Variants in IL1RAPL2 observed in about 807,000 individuals in gnomAD.
IL1RAPL2 encodes interleukin 1 receptor accessory protein like 2.
Under a neutral mutation model 44.1 loss-of-function variants are expected in IL1RAPL2, and 3 were observed. The ratio of observed to expected loss-of-function variants is 0.07; its 90% CI spans 0.03 to 0.18. IL1RAPL2 has a LOEUF of 0.18. Among genes scored for constraint, IL1RAPL2 ranks in the 10% least tolerant of loss-of-function variants. IL1RAPL2 has a pLI of 1.00. For synonymous variants in IL1RAPL2, 181 were observed against 178.8 expected, an observed-to-expected ratio of 1.01 and a Z score of -0.10; for missense variants, 391 against 496.4, an observed-to-expected ratio of 0.79 and a Z score of 2.02.
At chrX:105,338,564 A>G (rs2035046119) in intron 5 of IL1RAPL2, among the ~76,000 whole-genome samples, 1 of 111,798 alleles carries the variant, frequency 8.9e-6, no homozygotes, top group South Asian at 3.7e-4. Context: ...GTTATTTTTG[A>G]AAGTCCTTGC....
At chrX:104,767,274 A>G (rs1419572068) in intron 2 of IL1RAPL2, among the ~76,000 whole-genome samples, 1 of 111,786 alleles carries the variant, frequency 8.9e-6, no homozygotes, top group Non-Finnish European at 1.9e-5. Context: ...AAGTTGATTC[A>G]TGTTCTCATT....
intron 2 of IL1RAPL2, among the ~76,000 whole-genome samples, chrX:105,143,285 G>T (rs1431390880): frequency 9.0e-6 from 1 of 111,409 alleles, no homozygotes; most frequent in South Asian, 3.8e-4. Context: ...GTGGGCAAAG[G>T]ATATGAACAG....
At chrX:105,103,764 T>C (rs1569383005) in intron 2 of IL1RAPL2, among the ~76,000 whole-genome samples, 1 of 111,441 alleles carries the variant, frequency 9.0e-6, no homozygotes, top group Non-Finnish European at 1.9e-5. Flanking sequence ...GGTATGATAT[T>C]TGACAGGGAT....
At chrX:104,684,575 C>T (rs983579935) in intron 2 of IL1RAPL2, among the ~76,000 whole-genome samples, 6 of 112,175 alleles carry the variant, frequency 5.3e-5, no homozygotes, top group African/African-American at 1.9e-4. Context: ...TTGTGCCTTG[C>T]CCTGATCTTT....
intron 2 of IL1RAPL2, among the ~76,000 whole-genome samples, chrX:104,944,904 C>T (rs1296222773): frequency 2.7e-5 from 3 of 111,627 alleles, no homozygotes; most frequent in African/African-American, 9.8e-5. Context: ...AACTTTGTGG[C>T]TTTAGGGAAG....
At chrX:104,838,847 C>CTTTCT (rs1383811438) in intron 2 of IL1RAPL2, among the ~76,000 whole-genome samples, 57 of 36,288 alleles carry the variant, frequency 1.6e-3, no homozygotes, top group Non-Finnish European at 2.0e-3. Context: ...TTCTTTCTTT[C>CTTTCT]TTTTTTTTTT....
chrX:104,941,563 A>G (rs1925176031), intron 2 of IL1RAPL2, among the ~76,000 whole-genome samples: 1 of 110,869 alleles, frequency 9.0e-6, no homozygotes, highest in African/African-American at 3.3e-5. Context: ...TTTTTCTTGT[A>G]AATTTGTTTA....
At chrX:105,191,253 A>G (rs2033630618) in intron 2 of IL1RAPL2, among the ~76,000 whole-genome samples, 1 of 112,609 alleles carries the variant, frequency 8.9e-6, no homozygotes, top group Non-Finnish European at 1.9e-5. Flanking sequence ...TCTCACTGTG[A>G]TGCCCAGGCT....
At chrX:104,686,411 T>C (rs1272289541) in intron 2 of IL1RAPL2, among the ~76,000 whole-genome samples, 2 of 112,147 alleles carry the variant, frequency 1.8e-5, no homozygotes, top group Non-Finnish European at 3.8e-5. Context: ...GAGAAGATAC[T>C]TTTTGTTTTG....
Position 105,740,742 on chromosome X carries a change from T to C in IL1RAPL2, c.1048+51T>C, listed in dbSNP as rs375732224. 420 of 1,083,703 alleles carry C rather than the reference T, an allele frequency of 3.9e-4. 5 individuals are homozygous for C. In the African/African-American group the frequency reaches 7.0e-3, roughly 18 times the overall value. 89.3% of individuals were successfully genotyped at this position (1,083,703 alleles called of 1,213,427 possible). A position where few individuals can be genotyped will look rare whatever the true frequency, so the allele number is the denominator to read the frequency against. On this transcript the variant is annotated intron_variant, in intron 8 of 10. Transcript: ENST00000372582. ...TGGTTTGCTTAGCTATCAACAACTA[T>C]TGAAGTTAGAGATATTTCCTGGCTT... is the stretch of plus-strand genomic sequence containing the variant.
chrX:105,071,698 A>G (rs1224250824), intron 2 of IL1RAPL2, among the ~76,000 whole-genome samples: 1 of 111,839 alleles, frequency 8.9e-6, no homozygotes, highest in Non-Finnish European at 1.9e-5. Flanking sequence ...CAGATTAGAG[A>G]GCCAAAAAAT....
chrX:105,264,112 G>A (rs1354718741), intron 4 of IL1RAPL2, among the ~76,000 whole-genome samples: 1 of 110,963 alleles, frequency 9.0e-6, no homozygotes, highest in Non-Finnish European at 1.9e-5. Flanking sequence ...ATGTGTCATG[G>A]GAGGGACCAG....
intron 6 of IL1RAPL2, among the ~76,000 whole-genome samples, chrX:105,568,847 G>A (rs1404342431): frequency 3.6e-5 from 4 of 111,805 alleles, no homozygotes; most frequent in South Asian, 3.7e-4. Context: ...TTAGCTGAAT[G>A]TAAGAGTAGT....
chrX:104,907,567 C>T (rs1348919921), intron 2 of IL1RAPL2, among the ~76,000 whole-genome samples: 2 of 111,681 alleles, frequency 1.8e-5, no homozygotes, highest in Admixed American at 1.9e-4. Flanking sequence ...TGTACCCAGT[C>T]GTCATTCAGG....
intron 2 of IL1RAPL2, among the ~76,000 whole-genome samples, chrX:105,107,102 G>A (rs2032751879): frequency 8.9e-6 from 1 of 112,606 alleles, no homozygotes; most frequent in Admixed American, 9.4e-5. Flanking sequence ...CATACAGAAT[G>A]TTAAAGACCA....
chrX:105,101,601 A>G (rs1208820397), intron 2 of IL1RAPL2, among the ~76,000 whole-genome samples: 4 of 111,265 alleles, frequency 3.6e-5, no homozygotes, highest in Non-Finnish European at 5.7e-5. Context: ...TGTGTAACCA[A>G]TATACTATAT....
intron 4 of IL1RAPL2, among the ~76,000 whole-genome samples, chrX:105,257,641 A>AG: frequency 8.9e-6 from 1 of 112,445 alleles, no homozygotes; most frequent in East Asian, 2.8e-4. Flanking sequence ...ATATATATTT[A>AG]GGATAGTTAG....
chrX:105,569,214 A>G (rs1363003998), intron 6 of IL1RAPL2, among the ~76,000 whole-genome samples: 1 of 111,646 alleles, frequency 9.0e-6, no homozygotes, highest in Non-Finnish European at 1.9e-5. Flanking sequence ...TTAATGATTT[A>G]TACTTTCCCT....
chrX:104,976,547 G>A (rs1408868600), intron 2 of IL1RAPL2, among the ~76,000 whole-genome samples: 1 of 111,639 alleles, frequency 9.0e-6, no homozygotes, highest in Non-Finnish European at 1.9e-5. Flanking sequence ...AATGAGAAAA[G>A]ACAAGACCAA....
Sources: allele counts gnomAD v4.1 joint callset (sites outside exome capture counted in the v4.1 genomes callset), GRCh38; gene constraint gnomAD v4.1.1; transcripts MANE v1.5; gene names NCBI Gene and HGNC (gene_info 2026-07-23, HGNC 2026-07-21).